SLC26A7: variants seen among roughly 807,000 people sequenced by gnomAD.
The protein encoded by SLC26A7 is anion exchange transporter.
Under a neutral mutation model 82.5 loss-of-function variants are expected in SLC26A7, and 59 were observed. The observed-to-expected ratio is 0.72, with a 90% CI of 0.58 to 0.89. The LOEUF is 0.89. SLC26A7 is among the 40% of genes least tolerant of loss of function. The pLI is 0.00. For missense variants in SLC26A7, 820 were observed against 793.0 expected, an observed-to-expected ratio of 1.03 and a Z score of -0.41; for synonymous variants, 271 against 274.3, an observed-to-expected ratio of 0.99 and a Z score of 0.12.
intron 2 of SLC26A7, among the ~76,000 whole-genome samples, chr8:91,259,645 A>G (rs1810906643): frequency 6.6e-6 from 1 of 152,042 alleles, no homozygotes; most frequent in Non-Finnish European, 1.5e-5. Context: ...CGCACTTAGT[A>G]TTCTAAAGGA....
chr8:91,218,798 G>A, intron 1 of SLC26A7: 1 of 773,154 alleles, frequency 1.3e-6, no homozygotes, highest in Non-Finnish European at 2.0e-6. Flanking sequence ...AGAAGTCAAT[G>A]TTCTGAAACC....
At chr8:91,255,058 A>G (rs1810763464) in intron 2 of SLC26A7, among the ~76,000 whole-genome samples, 1 of 152,166 alleles carries the variant, frequency 6.6e-6, no homozygotes, top group African/African-American at 2.4e-5. Flanking sequence ...TGTTTCCAAC[A>G]TGAAAACTCA....
At chr8:91,298,486 A>T (rs1052708059) in intron 4 of SLC26A7, among the ~76,000 whole-genome samples, 1 of 152,104 alleles carries the variant, frequency 6.6e-6, no homozygotes, top group Non-Finnish European at 1.5e-5. Flanking sequence ...TCTATGTAAG[A>T]CATTACTTAG....
chr8:91,293,522 A>G (rs1378808031), intron 3 of SLC26A7, among the ~76,000 whole-genome samples: 4 of 152,196 alleles, frequency 2.6e-5, no homozygotes, highest in Non-Finnish European at 4.4e-5. Flanking sequence ...CCATGTCCAC[A>G]TTGGCGTGGT....
intron 5 of SLC26A7, among the ~76,000 whole-genome samples, chr8:91,321,562 C>A (rs1266239672): frequency 6.6e-6 from 1 of 152,160 alleles, no homozygotes; most frequent in Non-Finnish European, 1.5e-5. Flanking sequence ...AAGGGAGCCT[C>A]CAGAATAACT....
intron 15 of SLC26A7, among the ~76,000 whole-genome samples, chr8:91,372,009 T>C (rs1207688002): frequency 1.3e-5 from 2 of 152,054 alleles, no homozygotes; most frequent in South Asian, 2.1e-4. Context: ...GCATTTTTCA[T>C]GTTTGTTGGT....
intron 15 of SLC26A7, among the ~76,000 whole-genome samples, chr8:91,372,808 T>A (rs1490787574): frequency 6.6e-6 from 1 of 151,824 alleles, no homozygotes; most frequent in African/African-American, 2.4e-5. Flanking sequence ...ATCTGTAGAT[T>A]GTTTTGAGTG....
chr8:91,348,646 T>A (rs1813630978), intron 9 of SLC26A7, among the ~76,000 whole-genome samples: 1 of 152,098 alleles, frequency 6.6e-6, no homozygotes. Context: ...TGGGTAATTG[T>A]GTGAACACTT....
At chr8:91,386,807 C>T (rs532736335) in intron 15 of SLC26A7, among the ~76,000 whole-genome samples, 2 of 152,254 alleles carry the variant, frequency 1.3e-5, no homozygotes, top group African/African-American at 4.8e-5. Context: ...ATATACACAA[C>T]TGACTTTCAA....
rs1810612678 is a variant in SLC26A7 at position 91,249,872 on chromosome 8, A to G, written c.193+28A>G. On this transcript the variant is annotated intron_variant, in intron 2 of 18. Transcript: ENST00000276609. Reference sequence around the variant, plus strand: ...AATGTATTGCATTTGAGTTTCCTGTATTATGCAGAGTAGATGTCACTTTGC... The same window carrying G: ...AATGTATTGCATTTGAGTTTCCTGTGTTATGCAGAGTAGATGTCACTTTGC... The G allele has an allele frequency of 3.3e-6, 5 of 1,535,588 alleles. No homozygotes were observed. The Admixed American group carries it at 8.0e-5, about 25-fold the overall frequency.
chr8:91,376,011 T>A lies in SLC26A7; in HGVS notation c.1675+6178T>A, dbSNP rs1814506322. ...TTCAAGGCCTAAAATTATTCTTTTT[T>A]TTCTAGTATATTATTAAAGCTTTCA... On this transcript the variant is annotated intron_variant, in intron 15 of 18. Coordinates refer to ENST00000276609, the MANE Select transcript of SLC26A7 (RefSeq NM_052832.4). Among the ~76,000 whole-genome samples, 4 of 152,184 alleles carry A rather than the reference T, an allele frequency of 2.6e-5. 1 individual carries two copies. In the South Asian group the frequency reaches 8.3e-4, roughly 31 times the overall value.
intron 13 of SLC26A7, among the ~76,000 whole-genome samples, 165 bp from the exon 14 acceptor site, chr8:91,366,415 T>A (rs1414419029): frequency 1.3e-5 from 2 of 152,182 alleles, no homozygotes; most frequent in Non-Finnish European, 2.9e-5. Flanking sequence ...AAGTATATAT[T>A]TCCCCTAAGG....
chr8:91,299,884 A>G (rs962870795), intron 4 of SLC26A7, among the ~76,000 whole-genome samples: 1 of 152,238 alleles, frequency 6.6e-6, no homozygotes, highest in Non-Finnish European at 1.5e-5. Flanking sequence ...TTCTTCTAAA[A>G]AGTGCGTAAG....
At chr8:91,362,316 A>G in intron 11 of SLC26A7, 37 bp from the exon 12 acceptor site, 1 of 1,498,750 alleles carries the variant, frequency 6.7e-7, no homozygotes, top group Admixed American at 1.7e-5. Flanking sequence ...GTGAATTCCA[A>G]AGGATTCACA....
intron 4 of SLC26A7, among the ~76,000 whole-genome samples, chr8:91,299,749 G>A (rs1812111955): frequency 2.0e-5 from 3 of 152,036 alleles, no homozygotes; most frequent in South Asian, 4.2e-4. Flanking sequence ...ATTTTTGTGT[G>A]TATTCTTGGC....
At chr8:91,211,363 T>C (rs1279130693) in intron 1 of SLC26A7, among the ~76,000 whole-genome samples, 2 of 151,628 alleles carry the variant, frequency 1.3e-5, no homozygotes, top group Non-Finnish European at 2.9e-5. Flanking sequence ...AATTTAAGGA[T>C]GCTTAAAATA....
At chr8:91,351,737 C>A (rs1813721104) in intron 9 of SLC26A7, 73 bp from the exon 10 acceptor site, 8 of 924,084 alleles carry the variant, frequency 8.7e-6, no homozygotes, top group Middle Eastern at 2.2e-4. Context: ...TTATCCCCCC[C>A]ACCCCATAAC....
chr8:91,250,446 T>A lies in SLC26A7; in HGVS notation c.193+602T>A, dbSNP rs373236152. ...GTAAGATATTTAAACTGGTGAGAAGTCTGATTTTAACTTTCCCCAAAACAG... is the reference window on the plus strand; with the variant it reads ...GTAAGATATTTAAACTGGTGAGAAGACTGATTTTAACTTTCCCCAAAACAG... On this transcript the variant is annotated intron_variant, in intron 2 of 18. Coordinates refer to ENST00000276609, the MANE Select transcript of SLC26A7 (RefSeq NM_052832.4). Among the ~76,000 whole-genome samples the A allele has an allele frequency of 8.5e-4, 130 of 152,222 alleles. 5 individuals carry two copies. In the South Asian group the frequency reaches 0.021, roughly 25 times the overall value.
chr8:91,274,583 A>G (rs1262356526), intron 2 of SLC26A7, among the ~76,000 whole-genome samples: 1 of 152,236 alleles, frequency 6.6e-6, no homozygotes, highest in Non-Finnish European at 1.5e-5. Flanking sequence ...GCATTAGTCC[A>G]TTCACAAGAG....
Sources: gnomAD v4.1 joint callset for allele counts (sites outside exome capture counted in the v4.1 genomes callset) on GRCh38, gnomAD v4.1.1 for gene constraint, MANE v1.5 for transcripts, NCBI Gene and HGNC (gene_info 2026-07-23, HGNC 2026-07-21) for gene names.